TMEM177: variants seen among roughly 807,000 people sequenced by gnomAD.
The protein encoded by TMEM177 is transmembrane protein 177.
In TMEM177, 4 loss-of-function variants were observed where a neutral mutation model predicts 14.2. The observed-to-expected ratio is 0.28, with a 90% confidence interval of 0.14 to 0.64. The LOEUF (loss-of-function observed/expected upper bound fraction) is 0.64. TMEM177 is among the 30% of genes least tolerant of loss of function. TMEM177 has a pLI of 0.82. For missense variants in TMEM177, 344 were observed against 405.2 expected (o/e 0.85, Z 1.30); for synonymous variants, 179 against 174.5 (o/e 1.03, Z -0.20).
the TMEM177 span, among the ~76,000 whole-genome samples, chr2:119,694,267 C>A: frequency 7.5e-6 from 1 of 133,528 alleles, no homozygotes; most frequent in African/African-American, 2.9e-5. Context: ...ACATACTACA[C>A]CTGTGTGGTA....
the TMEM177 span, among the ~76,000 whole-genome samples, chr2:119,711,456 T>C: frequency 6.6e-6 from 1 of 152,164 alleles, no homozygotes; most frequent in African/African-American, 2.4e-5. Flanking sequence ...CCCTGGCACG[T>C]AGGCAGTCAA....
chr2:119,688,812 G>C (rs1349726859), downstream of TMEM177, among the ~76,000 whole-genome samples: 2 of 152,300 alleles, frequency 1.3e-5, no homozygotes, highest in East Asian at 1.9e-4. Context: ...TTACTGTGGT[G>C]CCCATGAAAA....
At chr2:119,705,311 A>G in the TMEM177 span, among the ~76,000 whole-genome samples, 2 of 152,158 alleles carry the variant, frequency 1.3e-5, no homozygotes, top group Non-Finnish European at 2.9e-5. Flanking sequence ...CTGCAATCAA[A>G]GGATCAGCTG....
chr2:119,693,197 G>A, the TMEM177 span, among the ~76,000 whole-genome samples: 1 of 152,156 alleles, frequency 6.6e-6, no homozygotes, highest in Non-Finnish European at 1.5e-5. Flanking sequence ...CAGTGAGGAG[G>A]TAGGGGCCAC....
the TMEM177 span, among the ~76,000 whole-genome samples, chr2:119,700,708 G>A: frequency 6.6e-6 from 1 of 152,158 alleles, no homozygotes; most frequent in African/African-American, 2.4e-5. Context: ...CCTGGCCTAT[G>A]GTAAAATGGA....
At position 119,681,693 on chromosome 2, in the gene TMEM177, C is replaced by T. The variant is rs116577552; in HGVS notation, c.840C>T (p.Pro280=). ...ATACACCCAGCGGGAACATCGTCCC[C>T]AGACACTTGTTCCGAATCAAACATT... ...KLYTPSGNIV[P]RHLFRIKHLP... Residue 280 remains proline, a synonymous_variant, in exon 2 of 2, where the codon CCC becomes CCT. Coordinates refer to ENST00000272521, the MANE Select transcript of TMEM177 (RefSeq NM_030577.3). The T allele has an allele frequency of 4.1e-4, 655 of 1,614,202 alleles. No individual in the cohort carries two copies. In the African/African-American group the frequency reaches 7.6e-3, roughly 19 times the overall value.
chr2:119,713,815 C>G, the TMEM177 span, among the ~76,000 whole-genome samples: 4 of 152,212 alleles, frequency 2.6e-5, no homozygotes, highest in Admixed American at 2.6e-4. Context: ...GCCTGGGTGA[C>G]AGAGTGAGGC....
In TMEM177 at chr2:119,681,813, C is replaced by T; in HGVS notation, c.*24C>T. 6.3e-7 allele frequency: 1 copy of T among 1,591,926 alleles called. No individual in the cohort carries two copies. Among genetic ancestry groups the T allele is most frequent in the Non-Finnish European group, 8.6e-7 (1 of 1,165,778 alleles). On this transcript the variant is annotated 3_prime_UTR_variant, in exon 2 of 2. Coordinates refer to ENST00000272521, the MANE Select transcript of TMEM177 (RefSeq NM_030577.3). ...GATGGGCTCATCACAAGGACACTTC[C>T]AGCTTGTGCAGACACCACCCTGCCA...
At chr2:119,691,833 G>T in the TMEM177 span, among the ~76,000 whole-genome samples, 378 of 152,320 alleles carry the variant, frequency 2.5e-3, 1 homozygote, top group Middle Eastern at 0.014. Flanking sequence ...TCCTCTGAAA[G>T]GTCCCCATCA....
chr2:119,714,341 G>A, the TMEM177 span, among the ~76,000 whole-genome samples: 5 of 152,198 alleles, frequency 3.3e-5, no homozygotes, highest in Non-Finnish European at 7.3e-5. Flanking sequence ...GGAAGCAGCC[G>A]GCAATTGCTA....
chr2:119,710,372 G>A, the TMEM177 span, among the ~76,000 whole-genome samples: 449 of 152,300 alleles, frequency 2.9e-3, 1 homozygote, highest in Non-Finnish European at 4.8e-3. Context: ...ATGGATGCCC[G>A]TAAGAAGCAC....
At chr2:119,719,834 C>T in the TMEM177 span, among the ~76,000 whole-genome samples, 1 of 152,160 alleles carries the variant, frequency 6.6e-6, no homozygotes, top group Admixed American at 6.5e-5. Flanking sequence ...CACTCTGTCA[C>T]CCAGGCTGGT....
At chr2:119,683,717 TG>T (rs780049923), downstream of TMEM177, among the ~76,000 whole-genome samples, 6 of 152,182 alleles carry the variant, frequency 3.9e-5, no homozygotes, top group Non-Finnish European at 8.8e-5. Flanking sequence ...AAGCCTTACA[TG>T]CTACCCTCCA....
chr2:119,692,998 G>A, the TMEM177 span, among the ~76,000 whole-genome samples: 16 of 137,438 alleles, frequency 1.2e-4, no homozygotes, highest in East Asian at 4.2e-4. Flanking sequence ...AAAAAAAAAA[G>A]GCAGGGATTT....
At position 119,681,653 on chromosome 2, in the gene TMEM177, AC is replaced by A; in HGVS notation, c.801del (p.Asp267GlufsTer87). The A allele has an allele frequency of 1.2e-6, 2 of 1,613,978 alleles. No homozygotes were observed. Among genetic ancestry groups the A allele is most frequent in the Non-Finnish European group, 1.7e-6 (2 of 1,179,858 alleles). On this transcript the variant is annotated frameshift_variant, in exon 2 of 2. Coordinates refer to ENST00000272521, the MANE Select transcript of TMEM177 (RefSeq NM_030577.3). LOFTEE classifies it high-confidence loss of function. ...GCCCTGCGCAGTCTCTTGGGCAAAGACGGGGAGAAGCTGTATACACCCAGCG... is the reference window on the plus strand; with the variant it reads ...GCCCTGCGCAGTCTCTTGGGCAAAGAGGGGAGAAGCTGTATACACCCAGCG... ...NLALRSLLGKDGEKLYTPSGN... is the reference protein window; with the variant it reads ...NLALRSLLGKXGEKLYTPSGN...
chr2:119,703,784 C>T, the TMEM177 span, among the ~76,000 whole-genome samples: 1 of 152,300 alleles, frequency 6.6e-6, no homozygotes, highest in East Asian at 1.9e-4. Flanking sequence ...CCACTCTCTG[C>T]CTGTCTCAGG....
downstream of TMEM177, among the ~76,000 whole-genome samples, chr2:119,682,572 C>A (rs1171265101): frequency 6.6e-6 from 1 of 152,020 alleles, no homozygotes; most frequent in Non-Finnish European, 1.5e-5. Flanking sequence ...GAGAAGGAGA[C>A]CAGCACGTGC....
At chr2:119,710,027 G>A in the TMEM177 span, among the ~76,000 whole-genome samples, 8 of 152,096 alleles carry the variant, frequency 5.3e-5, no homozygotes, top group African/African-American at 1.9e-4. Context: ...TGGGTGCAGA[G>A]TTTTCTTTGG....
the TMEM177 span, among the ~76,000 whole-genome samples, chr2:119,711,297 G>GA: frequency 2.1e-4 from 32 of 152,246 alleles, no homozygotes; most frequent in African/African-American, 7.2e-4. Context: ...AAGATCTGGA[G>GA]AAAAAATAGA....
Sources: gnomAD v4.1 joint callset for allele counts (sites outside exome capture counted in the v4.1 genomes callset) on GRCh38, gnomAD v4.1.1 for gene constraint, MANE v1.5 for transcripts, NCBI Gene and HGNC (gene_info 2026-07-23, HGNC 2026-07-21) for gene names.